INTS4: variants seen among roughly 807,000 people sequenced by gnomAD.
INTS4 encodes the protein integrator complex subunit 4, also known as MSTP093.
A neutral mutation model predicts 119.5 loss-of-function variants in INTS4; 70 were observed. The observed-to-expected ratio is 0.59, with a 90% CI of 0.48 to 0.71. The LOEUF (loss-of-function observed/expected upper bound fraction) is 0.71. INTS4 is among the 30% of genes least tolerant of loss of function. INTS4 has a pLI of 0.00. For missense variants in INTS4, 867 were observed against 1,173.2 expected (o/e 0.74, Z 3.81); for synonymous variants, 316 against 419.6 (o/e 0.75, Z 3.02).
chr11:77,919,018 C>T, intron 14 of INTS4, 40 bp from the exon 15 acceptor site: 3 of 1,610,422 alleles, frequency 1.9e-6, no homozygotes, highest in Non-Finnish European at 2.5e-6. Flanking sequence ...AGTTTGGTGG[C>T]TCAGCTTTTG....
rs921952418 is a variant in INTS4 at position 77,991,367 on chromosome 11, T to A, written c.55-68A>T. 8 of 1,218,452 alleles carry A rather than the reference T, an allele frequency of 6.6e-6. No individual in the cohort carries two copies. The African/African-American group carries it at 1.1e-4, about 16-fold the overall frequency. The allele number at this position is 1,218,452 out of a possible 1,614,324, so 75.5% of individuals were successfully genotyped here. ...TTAACTTTGCCTCATTTGGTGGAAA[T>A]GATTTTCCATTATACCAAATAATAT... On this transcript the variant is annotated intron_variant, in intron 1 of 22. Coordinates refer to ENST00000534064, the MANE Select transcript of INTS4 (RefSeq NM_033547.4).
intron 2 of INTS4, chr11:77,986,991 A>C (rs1329559162): frequency 6.6e-6 from 1 of 152,178 alleles, no homozygotes; most frequent in East Asian, 1.9e-4. Flanking sequence ...TATAATAATA[A>C]AAAAAGAGTC....
chr11:77,912,976 C>T (rs1953122993), intron 15 of INTS4, among the ~76,000 whole-genome samples: 1 of 152,286 alleles, frequency 6.6e-6, no homozygotes, highest in East Asian at 1.9e-4. Context: ...ATAAATGAAG[C>T]CCCTTCTGTT....
At chr11:77,931,125 A>T (rs1299999505) in intron 10 of INTS4, among the ~76,000 whole-genome samples, 1 of 152,226 alleles carries the variant, frequency 6.6e-6, no homozygotes, top group Non-Finnish European at 1.5e-5. Flanking sequence ...AATATAGCTC[A>T]ATCAATGGGA....
intron 2 of INTS4, among the ~76,000 whole-genome samples, chr11:77,984,300 A>G (rs1856368685): frequency 6.6e-6 from 1 of 152,010 alleles, no homozygotes; most frequent in Non-Finnish European, 1.5e-5. Flanking sequence ...TTGAGACCAG[A>G]CTGACCAACA....
intron 8 of INTS4, among the ~76,000 whole-genome samples, chr11:77,950,873 TC>T (rs1448409158): frequency 5.6e-5 from 4 of 70,998 alleles, no homozygotes; most frequent in African/African-American, 1.7e-4. Context: ...CCCTCCCCCC[TC>T]CCCCCACCCC....
downstream of INTS4, among the ~76,000 whole-genome samples, chr11:77,874,372 CT>C (rs560821678): frequency 4.8e-3 from 639 of 134,358 alleles, no homozygotes; most frequent in Admixed American, 5.5e-3. Flanking sequence ...GTGATGCAGT[CT>C]TTTTTTTTTT....
intron 4 of INTS4, among the ~76,000 whole-genome samples, chr11:77,965,058 T>G (rs554818592): frequency 4.6e-5 from 7 of 152,302 alleles, no homozygotes; most frequent in African/African-American, 1.7e-4. Flanking sequence ...ATTTGAAATA[T>G]TCACTTAGGT....
chr11:77,913,713 C>T (rs1379925116), intron 15 of INTS4, among the ~76,000 whole-genome samples: 4 of 152,180 alleles, frequency 2.6e-5, no homozygotes, highest in Admixed American at 6.5e-5. Context: ...CAATAATCTT[C>T]GCAACAGTTC....
At chr11:77,957,805 A>T (rs191075804) in intron 7 of INTS4, among the ~76,000 whole-genome samples, 2 of 150,838 alleles carry the variant, frequency 1.3e-5, no homozygotes, top group Admixed American at 1.3e-4. Flanking sequence ...AGTAGCTGGG[A>T]TTACAGGCGT....
intron 19 of INTS4, among the ~76,000 whole-genome samples, chr11:77,893,220 TA>T (rs1018523011): frequency 7.9e-5 from 12 of 152,238 alleles, no homozygotes; most frequent in African/African-American, 2.9e-4. Flanking sequence ...TCATTCCATA[TA>T]AAACTCTGAA....
chr11:77,894,649 G>A (rs1952433950), intron 18 of INTS4, among the ~76,000 whole-genome samples: 1 of 152,174 alleles, frequency 6.6e-6, no homozygotes, highest in Non-Finnish European at 1.5e-5. Flanking sequence ...TAGCATGTGG[G>A]CAGTACAGTG....
intron 18 of INTS4, among the ~76,000 whole-genome samples, chr11:77,900,347 C>CCTGT (rs1190157214): frequency 1.3e-5 from 2 of 152,166 alleles, no homozygotes; most frequent in African/African-American, 4.8e-5. Context: ...GATCTGCCCA[C>CCTGT]CTTGGCCTCC....
At chr11:77,923,619 C>T (rs535755275) in intron 12 of INTS4, among the ~76,000 whole-genome samples, 1 of 152,056 alleles carries the variant, frequency 6.6e-6, no homozygotes, top group Admixed American at 6.5e-5. Flanking sequence ...TTGCTATACG[C>T]ATTAAATAAC....
At chr11:77,905,710 G>A (rs1952930628) in intron 16 of INTS4, among the ~76,000 whole-genome samples, 1 of 152,226 alleles carries the variant, frequency 6.6e-6, no homozygotes, top group South Asian at 2.1e-4. Context: ...ACCCAGCACA[G>A]TTTCCATCAA....
intron 8 of INTS4, among the ~76,000 whole-genome samples, chr11:77,946,769 A>AG: frequency 1.3e-5 from 2 of 151,862 alleles, no homozygotes; most frequent in South Asian, 4.2e-4. Context: ...TCAAAAAAAA[A>AG]AAAAAGGAAA....
chr11:77,929,345 C>T (rs561264439), intron 10 of INTS4, among the ~76,000 whole-genome samples: 18 of 152,124 alleles, frequency 1.2e-4, no homozygotes, highest in Non-Finnish European at 2.4e-4. Context: ...CCCACCTTAA[C>T]GTCGATCTAA....
At chr11:77,903,171 T>TC (rs1442622160) in intron 17 of INTS4, among the ~76,000 whole-genome samples, 6 of 152,226 alleles carry the variant, frequency 3.9e-5, no homozygotes, top group Non-Finnish European at 8.8e-5. Context: ...AGGACCCAGG[T>TC]CCCCTGAGTC....
intron 4 of INTS4, among the ~76,000 whole-genome samples, chr11:77,964,165 A>T (rs1232006976): frequency 6.6e-6 from 1 of 152,200 alleles, no homozygotes; most frequent in Non-Finnish European, 1.5e-5. Context: ...TAGCTATCCA[A>T]TAAGTGAAAT....
Sources: allele counts gnomAD v4.1 joint callset (sites outside exome capture counted in the v4.1 genomes callset), GRCh38; gene constraint gnomAD v4.1.1; transcripts MANE v1.5; gene names NCBI Gene and HGNC (gene_info 2026-07-23, HGNC 2026-07-21).